Variants in ZNF536 observed in about 807,000 individuals in gnomAD.
ZNF536 encodes the protein zinc finger protein 536.
Under a neutral mutation model 84.5 loss-of-function variants are expected in ZNF536, and 13 were observed. The observed-to-expected ratio is 0.15, with a 90% CI of 0.10 to 0.24. The LOEUF is 0.24. ZNF536 is among the 10% of genes least tolerant of loss of function. ZNF536 has a pLI of 1.00. For missense variants in ZNF536, 1,536 were observed against 1,747.5 expected (o/e 0.88, Z 2.16); for synonymous variants, 811 against 742.5 (o/e 1.09, Z -1.50).
chr19:30,669,811 C>T (rs1339343290), intron 1 of ZNF536, among the ~76,000 whole-genome samples: 2 of 152,230 alleles, frequency 1.3e-5, no homozygotes, highest in East Asian at 3.9e-4. Flanking sequence ...GGAGAAAAGA[C>T]CTCAGGTTAA....
chr19:30,623,309 G>A (rs916402008), intron 1 of ZNF536, among the ~76,000 whole-genome samples: 1 of 152,128 alleles, frequency 6.6e-6, no homozygotes, highest in African/African-American at 2.4e-5. Context: ...CTTCTTCCCT[G>A]GGTACTATTT....
At chr19:30,596,650 T>C (rs2047473934) in intron 1 of ZNF536, among the ~76,000 whole-genome samples, 1 of 152,142 alleles carries the variant, frequency 6.6e-6, no homozygotes, top group South Asian at 2.1e-4. Context: ...TAATTATCTA[T>C]TTTTCTAAAG....
intron 2 of ZNF536, among the ~76,000 whole-genome samples, chr19:30,296,994 A>G (rs187671887): frequency 6.6e-6 from 1 of 152,172 alleles, no homozygotes; most frequent in Admixed American, 6.5e-5. Context: ...AAAGCTTCCT[A>G]TGAGGTGTTT....
chr19:30,609,993 C>T (rs1309782030), intron 1 of ZNF536, among the ~76,000 whole-genome samples: 2 of 151,570 alleles, frequency 1.3e-5, no homozygotes, highest in Admixed American at 6.6e-5. Flanking sequence ...CATCCACCCA[C>T]CCATCTATCC....
rs1442802829 is a variant in ZNF536 at position 30,229,638 on chromosome 19, TC to T, written c.-190+966del. On this transcript the variant is annotated intron_variant, in intron 1 of 5. Coordinates refer to the ZNF536 transcript ENST00000585628. ...GCCCCTGCAGCCCTCTGGCCTCTGC[TC>T]GGGGAGAGCCCAGGGCTTCTGGCTG... 2.0e-5 allele frequency among the ~76,000 whole-genome samples: 3 copies of T among 152,148 alleles called. No individual in the cohort carries two copies. The East Asian group carries it at 5.8e-4, about 29-fold the overall frequency.
intron 1 of ZNF536, among the ~76,000 whole-genome samples, chr19:30,636,791 G>A (rs73031134): frequency 0.18 from 26,937 of 152,112 alleles, 2,664 homozygotes; most frequent in South Asian, 0.28. Context: ...GGACCTGGCT[G>A]CAGCCTGTTG....
chr19:30,708,990 T>C (rs2052355095), intron 1 of ZNF536, among the ~76,000 whole-genome samples: 2 of 152,156 alleles, frequency 1.3e-5, no homozygotes, highest in South Asian at 4.1e-4. Flanking sequence ...CCTCTCTGAG[T>C]GCTGGGTGAA....
intron 1 of ZNF536, among the ~76,000 whole-genome samples, chr19:30,378,803 G>T (rs1022732904): frequency 6.6e-6 from 1 of 152,228 alleles, no homozygotes; most frequent in Non-Finnish European, 1.5e-5. Flanking sequence ...AACAAGGTGG[G>T]AGATGGCTTG....
chr19:30,573,478 A>G (rs1422295207), intron 1 of ZNF536, among the ~76,000 whole-genome samples: 1 of 152,124 alleles, frequency 6.6e-6, no homozygotes, highest in African/African-American at 2.4e-5. Context: ...ATCATAACTC[A>G]TTCTTTGCAC....
chr19:30,700,238 T>TTCTTTC (rs1190837525), intron 1 of ZNF536, among the ~76,000 whole-genome samples: 8 of 97,916 alleles, frequency 8.2e-5, no homozygotes, highest in African/African-American at 2.8e-4. Flanking sequence ...CTTTCTTTCT[T>TTCTTTC]TCTCTCTCTC....
At chr19:30,547,575 C>G (rs923517446) in intron 3 of ZNF536, among the ~76,000 whole-genome samples, 7 of 152,152 alleles carry the variant, frequency 4.6e-5, no homozygotes, top group African/African-American at 1.4e-4. Context: ...CAAAATATTG[C>G]AACCACCCAT....
At chr19:30,295,443 A>G (rs1424861515) in intron 2 of ZNF536, among the ~76,000 whole-genome samples, 1 of 152,224 alleles carries the variant, frequency 6.6e-6, no homozygotes, top group African/African-American at 2.4e-5. Flanking sequence ...AGGGCTTTGA[A>G]AAAACAACAT....
At chr19:30,561,605 T>C (rs1161697213), downstream of ZNF536, among the ~76,000 whole-genome samples, 5 of 152,190 alleles carry the variant, frequency 3.3e-5, no homozygotes, top group East Asian at 9.6e-4. Context: ...GGTGCACTCA[T>C]GAGAGGGTCA....
chr19:30,441,153 A>G (rs2052028742), intron 1 of ZNF536, among the ~76,000 whole-genome samples: 1 of 152,166 alleles, frequency 6.6e-6, no homozygotes, highest in Non-Finnish European at 1.5e-5. Flanking sequence ...GCGTCAGCTC[A>G]TCAGCAGCAA....
intron 1 of ZNF536, among the ~76,000 whole-genome samples, chr19:30,399,262 T>C (rs921183030): frequency 1.3e-5 from 2 of 152,108 alleles, no homozygotes; most frequent in Non-Finnish European, 1.5e-5. Context: ...TTTCATGGGG[T>C]TGTTTTTTTT....
chr19:30,494,909 A>G (rs186986616), intron 2 of ZNF536, among the ~76,000 whole-genome samples: 8 of 141,614 alleles, frequency 5.6e-5, no homozygotes, highest in Non-Finnish European at 1.0e-4. Context: ...TCATACCACT[A>G]CACTCCAGCC....
chr19:30,561,381 G>A (rs2046159237), downstream of ZNF536, among the ~76,000 whole-genome samples: 1 of 152,136 alleles, frequency 6.6e-6, no homozygotes, highest in Non-Finnish European at 1.5e-5. Context: ...GATAATTAGG[G>A]ACTCACACTA....
chr19:30,241,319 AC>A (rs1419613994), intron 1 of ZNF536, among the ~76,000 whole-genome samples: 2 of 152,210 alleles, frequency 1.3e-5, no homozygotes, highest in African/African-American at 4.8e-5. Flanking sequence ...TGTCTCAAAA[AC>A]AGAAACAAAA....
chr19:30,421,691 C>T (rs760506717), intron 1 of ZNF536, among the ~76,000 whole-genome samples: 5 of 152,134 alleles, frequency 3.3e-5, no homozygotes, highest in Non-Finnish European at 5.9e-5. Flanking sequence ...CGGAGACCCC[C>T]GTGTAAAACA....
Sources: gnomAD v4.1 joint callset for allele counts (sites outside exome capture counted in the v4.1 genomes callset) on GRCh38, gnomAD v4.1.1 for gene constraint, MANE v1.5 for transcripts, NCBI Gene and HGNC (gene_info 2026-07-23, HGNC 2026-07-21) for gene names.